Variants in SLC9A9 observed in about 807,000 individuals in gnomAD.
SLC9A9 encodes the protein solute carrier family 9 member A9.
In SLC9A9, 62 loss-of-function variants were observed where a neutral mutation model predicts 77.8. That is an observed-to-expected ratio of 0.80 (90% confidence interval 0.65 to 0.98). SLC9A9 has a LOEUF of 0.98. SLC9A9 is among the 50% of genes least tolerant of loss of function. SLC9A9 has a pLI of 0.00. For synonymous variants in SLC9A9, 320 were observed against 283.5 expected, an observed-to-expected ratio of 1.13 and a Z score of -1.29; for missense variants, 775 against 774.9, an observed-to-expected ratio of 1.00 and a Z score of 0.00.
At chr3:143,451,815 A>G (rs1398914632) in intron 12 of SLC9A9, among the ~76,000 whole-genome samples, 1 of 152,158 alleles carries the variant, frequency 6.6e-6, no homozygotes, top group African/African-American at 2.4e-5. Context: ...ATATCAGAGT[A>G]ACGCAAAGGC....
At chr3:143,393,066 A>C (rs1024658002) in intron 12 of SLC9A9, among the ~76,000 whole-genome samples, 6 of 152,196 alleles carry the variant, frequency 3.9e-5, no homozygotes, top group African/African-American at 1.4e-4. Context: ...GATATCCAGG[A>C]ATTGAACTCA....
At chr3:143,501,114 C>T (rs762185730) in intron 9 of SLC9A9, among the ~76,000 whole-genome samples, 9 of 150,182 alleles carry the variant, frequency 6.0e-5, no homozygotes, top group Non-Finnish European at 1.0e-4. Context: ...ATTTTTCAAT[C>T]GGGAAATTTT....
chr3:143,552,524 G>C (rs766059078), intron 8 of SLC9A9, 74 bp from the exon 9 acceptor site: 1 of 1,261,812 alleles, frequency 7.9e-7, no homozygotes, highest in Non-Finnish European at 1.1e-6. Context: ...GGCTATTCCA[G>C]TTGGAAAATA....
At chr3:143,489,669 C>T (rs1045643833) in intron 11 of SLC9A9, among the ~76,000 whole-genome samples, 1 of 151,768 alleles carries the variant, frequency 6.6e-6, no homozygotes, top group East Asian at 1.9e-4. Flanking sequence ...AAAAAATAGA[C>T]AAATTAAATT....
At chr3:143,594,849 C>A (rs2037726814) in intron 6 of SLC9A9, among the ~76,000 whole-genome samples, 1 of 152,144 alleles carries the variant, frequency 6.6e-6, no homozygotes, top group African/African-American at 2.4e-5. Flanking sequence ...CCAGACTTTC[C>A]CCTATGCACA....
At chr3:143,367,677 C>T (rs770120381) in intron 13 of SLC9A9, among the ~76,000 whole-genome samples, 15 of 152,092 alleles carry the variant, frequency 9.9e-5, no homozygotes, top group Non-Finnish European at 1.8e-4. Flanking sequence ...ACGGGAGGGT[C>T]CAGATGGGCA....
intron 4 of SLC9A9, among the ~76,000 whole-genome samples, chr3:143,789,655 T>A (rs532452786): frequency 6.6e-6 from 1 of 152,158 alleles, no homozygotes; most frequent in South Asian, 2.1e-4. Flanking sequence ...TCTATCCTAA[T>A]TAAGAACAGG....
At chr3:143,803,683 C>T (rs182696101) in intron 2 of SLC9A9, among the ~76,000 whole-genome samples, 1 of 152,260 alleles carries the variant, frequency 6.6e-6, no homozygotes, top group South Asian at 2.1e-4. Context: ...CTATCTCTCC[C>T]CAGCTATCTC....
At chr3:143,539,753 TC>T (rs1302132221) in intron 9 of SLC9A9, among the ~76,000 whole-genome samples, 2 of 152,084 alleles carry the variant, frequency 1.3e-5, no homozygotes, top group African/African-American at 4.8e-5. Context: ...TCTCCTAAAT[TC>T]CATTCATATA....
intron 5 of SLC9A9, among the ~76,000 whole-genome samples, chr3:143,678,183 A>C (rs1329659700): frequency 2.0e-5 from 3 of 152,130 alleles, no homozygotes; most frequent in East Asian, 1.9e-4. Context: ...TGTCATTTTA[A>C]AGTGTTCTTT....
intron 14 of SLC9A9, among the ~76,000 whole-genome samples, chr3:143,312,095 A>G (rs867564204): frequency 1.3e-5 from 2 of 152,320 alleles, no homozygotes; most frequent in Middle Eastern, 3.4e-3. Context: ...AGTTACAGGG[A>G]TTCAAAACAC....
intron 5 of SLC9A9, among the ~76,000 whole-genome samples, chr3:143,652,778 TACACACACACAC>T (rs369670861): frequency 1.2e-5 from 1 of 82,376 alleles, no homozygotes; most frequent in African/African-American, 4.3e-5. Context: ...ATTCCTTAAA[TACACACACACAC>T]ACACACACAC....
chr3:143,616,016 G>T (rs912954743), intron 6 of SLC9A9, among the ~76,000 whole-genome samples: 1 of 151,812 alleles, frequency 6.6e-6, no homozygotes, highest in Non-Finnish European at 1.5e-5. Context: ...AAGTAGTTGG[G>T]ACTACAGGCG....
At chr3:143,525,725 T>G (rs954554592) in intron 9 of SLC9A9, among the ~76,000 whole-genome samples, 6 of 152,148 alleles carry the variant, frequency 3.9e-5, no homozygotes, top group Non-Finnish European at 5.9e-5. Flanking sequence ...CTGATTTAAA[T>G]GTATGCGTAA....
chr3:143,694,627 G>A (rs1038172431), intron 4 of SLC9A9, among the ~76,000 whole-genome samples: 2 of 152,162 alleles, frequency 1.3e-5, no homozygotes, highest in African/African-American at 4.8e-5. Context: ...AATATAGTGT[G>A]ATGAAGTAAT....
In SLC9A9 at chr3:143,538,654, G is replaced by C. The variant is rs114881745; in HGVS notation, c.1089+13708C>G. Among the ~76,000 whole-genome samples the C allele has an allele frequency of 5.6e-3, 846 of 152,252 alleles. 9 individuals carry two copies. The highest frequency in any genetic ancestry group is 0.014 in the Middle Eastern group (4 of 294). ...ATTCCAAGTGCTAGCTCTGATCTCTGTGTGCCTGTCTGTTTCTAGTTGGCC... is the reference window on the plus strand; with the variant it reads ...ATTCCAAGTGCTAGCTCTGATCTCTCTGTGCCTGTCTGTTTCTAGTTGGCC... On this transcript the variant is annotated intron_variant, in intron 9 of 15. Transcript: ENST00000316549.
chr3:143,445,967 G>C (rs1246458661), intron 12 of SLC9A9, among the ~76,000 whole-genome samples: 1 of 152,140 alleles, frequency 6.6e-6, no homozygotes, highest in Non-Finnish European at 1.5e-5. Context: ...CTCAGAGTAA[G>C]TTTAAGAAAG....
chr3:143,384,908 G>GGAAA (rs2108500586), intron 12 of SLC9A9, among the ~76,000 whole-genome samples: 1 of 152,182 alleles, frequency 6.6e-6, no homozygotes, highest in East Asian at 1.9e-4. Context: ...GGGCCATGAA[G>GGAAA]GAAACAATGC....
intron 14 of SLC9A9, among the ~76,000 whole-genome samples, chr3:143,301,498 G>A (rs1342670690): frequency 1.3e-5 from 2 of 152,194 alleles, no homozygotes; most frequent in Admixed American, 6.5e-5. Flanking sequence ...ACTTGAGGGT[G>A]GAGGTCATGC....
Sources: gnomAD v4.1 joint callset for allele counts (sites outside exome capture counted in the v4.1 genomes callset) on GRCh38, gnomAD v4.1.1 for gene constraint, MANE v1.5 for transcripts, NCBI Gene and HGNC (gene_info 2026-07-23, HGNC 2026-07-21) for gene names.